The following TAS2R1 variants were observed in gnomAD, a reference collection of about 807,000 sequenced individuals.
TAS2R1 encodes the protein taste receptor type 2 member 1.
For synonymous variants in TAS2R1, 141 were observed against 134.2 expected (o/e 1.05, Z -0.35); for missense variants, 370 against 353.4 (o/e 1.05, Z -0.38).
chr5:9,760,530 T>C, the TAS2R1 span, among the ~76,000 whole-genome samples: 5 of 152,190 alleles, frequency 3.3e-5, no homozygotes. Context: ...TGCAAGGCTG[T>C]TTCAACATTC....
chr5:9,675,288 T>C lies in TAS2R1; in HGVS notation c.-241-15707A>G, dbSNP rs182567302. 1.1e-4 allele frequency among the ~76,000 whole-genome samples: 16 copies of C among 151,538 alleles called. No individual in the cohort carries two copies. In the East Asian group the frequency reaches 3.1e-3, roughly 29 times the overall value. Reference sequence around the variant, plus strand: ...AGAGTCATCCTAATCCCAATCAAAATCCCAGCAGGCTATTTTGTAGATATC... The same window carrying C: ...AGAGTCATCCTAATCCCAATCAAAACCCCAGCAGGCTATTTTGTAGATATC... On this transcript the variant is annotated intron_variant, in intron 1 of 2. Transcript: ENST00000506620.
At chr5:9,833,573 G>A in the TAS2R1 span, among the ~76,000 whole-genome samples, 2 of 152,134 alleles carry the variant, frequency 1.3e-5, no homozygotes, top group Non-Finnish European at 2.9e-5. Context: ...GACAACTTAT[G>A]TCAGGTAAAA....
the TAS2R1 span, among the ~76,000 whole-genome samples, chr5:9,814,057 C>T: frequency 1.3e-5 from 2 of 152,142 alleles, no homozygotes; most frequent in Non-Finnish European, 2.9e-5. Flanking sequence ...CCAACCCAGG[C>T]ACAATTCAAC....
the TAS2R1 span, among the ~76,000 whole-genome samples, chr5:9,894,185 T>C: frequency 6.6e-6 from 1 of 152,032 alleles, no homozygotes. Context: ...GGTGGATCAC[T>C]TGAGGTCAGT....
chr5:9,755,366 T>C, the TAS2R1 span, among the ~76,000 whole-genome samples: 1 of 152,098 alleles, frequency 6.6e-6, no homozygotes, highest in East Asian at 1.9e-4. Context: ...GGCAGGTGGA[T>C]TGCCTGAGCT....
At chr5:9,631,519 G>A (rs1410402425), upstream of TAS2R1, among the ~76,000 whole-genome samples, 1 of 152,168 alleles carries the variant, frequency 6.6e-6, no homozygotes, top group Admixed American at 6.5e-5. Context: ...TAGGATTATA[G>A]GCATGAGCCA....
At chr5:9,799,772 T>C in the TAS2R1 span, among the ~76,000 whole-genome samples, 4 of 152,216 alleles carry the variant, frequency 2.6e-5, no homozygotes, top group Non-Finnish European at 5.9e-5. Context: ...AAACGGTAAG[T>C]GCTAAATCCT....
At chr5:9,772,599 G>A in the TAS2R1 span, among the ~76,000 whole-genome samples, 1 of 152,032 alleles carries the variant, frequency 6.6e-6, no homozygotes, top group African/African-American at 2.4e-5. Context: ...GACAGGTGTT[G>A]AAGTCTCCAG....
chr5:9,855,547 C>A, the TAS2R1 span, among the ~76,000 whole-genome samples: 2 of 152,156 alleles, frequency 1.3e-5, no homozygotes, highest in Non-Finnish European at 2.9e-5. Context: ...AAAAGAACAG[C>A]GTATCAGTCA....
chr5:9,802,771 C>T, the TAS2R1 span, among the ~76,000 whole-genome samples: 815 of 152,144 alleles, frequency 5.4e-3, 10 homozygotes, highest in African/African-American at 0.019. Flanking sequence ...GACGTGGTGG[C>T]GGGCATCTGT....
At chr5:9,753,234 C>T in the TAS2R1 span, among the ~76,000 whole-genome samples, 1 of 152,194 alleles carries the variant, frequency 6.6e-6, no homozygotes, top group Non-Finnish European at 1.5e-5. Context: ...TTTTAATGAT[C>T]ACCATTCTAA....
chr5:9,884,363 A>G, the TAS2R1 span, among the ~76,000 whole-genome samples: 4 of 151,060 alleles, frequency 2.6e-5, no homozygotes, highest in Non-Finnish European at 5.9e-5. Flanking sequence ...AATCCCAGCT[A>G]CTCGGGAGGC....
At chr5:9,640,369 TA>T (rs762732225) in intron 2 of TAS2R1, among the ~76,000 whole-genome samples, 1 of 150,688 alleles carries the variant, frequency 6.6e-6, no homozygotes, top group Non-Finnish European at 1.5e-5. Context: ...ACAAAAATAA[TA>T]AAAAAAGCTT....
the TAS2R1 span, among the ~76,000 whole-genome samples, chr5:9,860,214 G>A: frequency 6.6e-6 from 1 of 152,230 alleles, no homozygotes; most frequent in Non-Finnish European, 1.5e-5. Context: ...GTCAATGCTT[G>A]TTATCATGGT....
chr5:9,897,396 C>T, the TAS2R1 span, among the ~76,000 whole-genome samples: 1 of 152,174 alleles, frequency 6.6e-6, no homozygotes, highest in Non-Finnish European at 1.5e-5. Context: ...TTGCAGTGAG[C>T]CGAGATCACG....
rs752509895 is a variant in TAS2R1, at chr5:9,629,221, G to T, written c.812C>A (p.Ser271Tyr). Residue 271 changes from serine (S) to tyrosine (Y), a missense_variant, in exon 1 of 1, where the codon TCT (serine) becomes TAT (tyrosine). By Grantham distance (144) the Ser-to-Tyr change is moderately radical. Transcript: ENST00000382492. ...FFILVIGIYP[S>Y]GHSLILILGN... ...TAAAATTAAGATGAGAGAGTGTCCA[G>T]AAGGGTATATACCAATCACAAGGAT... The T allele has an allele frequency of 2.5e-6, 4 of 1,610,530 alleles. No individual in the cohort carries two copies. In the East Asian group the frequency reaches 6.7e-5, roughly 27 times the overall value.
chr5:9,777,676 T>C, the TAS2R1 span, among the ~76,000 whole-genome samples: 1 of 152,224 alleles, frequency 6.6e-6, no homozygotes, highest in Non-Finnish European at 1.5e-5. Context: ...GGCTTCGAAT[T>C]TGCTTTGCCC....
chr5:9,732,194 A>C, the TAS2R1 span, among the ~76,000 whole-genome samples: 7 of 152,302 alleles, frequency 4.6e-5, no homozygotes, highest in Admixed American at 2.6e-4. Context: ...TATTCCCAAC[A>C]CTGGAAGCAG....
intron 1 of TAS2R1, among the ~76,000 whole-genome samples, chr5:9,705,048 GA>G (rs113541210): frequency 0.014 from 2,078 of 152,016 alleles, 52 homozygotes; most frequent in African/African-American, 0.047. Flanking sequence ...TCTTCAATGG[GA>G]AAAAAACCAT....
Sources: gnomAD v4.1 joint callset for allele counts (sites outside exome capture counted in the v4.1 genomes callset) on GRCh38, gnomAD v4.1.1 for gene constraint, MANE v1.5 for transcripts, NCBI Gene and HGNC (gene_info 2026-07-23, HGNC 2026-07-21) for gene names.